The following SREK1 variants were observed in gnomAD, a reference collection of about 807,000 sequenced individuals.
The protein encoded by SREK1 is splicing regulatory glutamine/lysine-rich protein 1.
Under a neutral mutation model 66.5 loss-of-function variants are expected in SREK1, and 13 were observed. The ratio of observed to expected loss-of-function variants is 0.20; its 90% CI spans 0.13 to 0.31. The LOEUF (loss-of-function observed/expected upper bound fraction) is 0.31, where lower values mean the gene tolerates loss of function less well. Ranked by LOEUF, SREK1 falls within the 10% of genes least tolerant of loss-of-function variation. The pLI, the probability that SREK1 is intolerant of heterozygous loss-of-function variation, is 1.00. For synonymous variants in SREK1, 265 were observed against 263.5 expected (o/e 1.01, Z -0.05); for missense variants, 607 against 769.6 (o/e 0.79, Z 2.50).
intron 7 of SREK1, 119 bp downstream of exon 7, chr5:66,165,016 GT>G: frequency 1.1e-6 from 1 of 900,848 alleles, no homozygotes; most frequent in South Asian, 2.0e-5. Flanking sequence ...TACACCTGAA[GT>G]GTGGTTACCT....
chr5:66,155,423 C>T (rs758797246), intron 2 of SREK1, among the ~76,000 whole-genome samples: 1 of 152,154 alleles, frequency 6.6e-6, no homozygotes, highest in Non-Finnish European at 1.5e-5. Context: ...TTTATGGAAC[C>T]TCGAGAATTT....
chr5:66,161,592 A>G (rs1744777427), intron 3 of SREK1, among the ~76,000 whole-genome samples: 1 of 152,330 alleles, frequency 6.6e-6, no homozygotes, highest in East Asian at 1.9e-4. Flanking sequence ...TATTAAATAC[A>G]TGTATTAGAT....
chr5:66,161,639 T>C (rs1744781138), intron 3 of SREK1, among the ~76,000 whole-genome samples: 2 of 152,228 alleles, frequency 1.3e-5, no homozygotes, highest in South Asian at 4.1e-4. Flanking sequence ...CGCTGCTGGC[T>C]GTAAGTTCAG....
chr5:66,158,760 T>G, intron 2 of SREK1: 1 of 1,251,550 alleles, frequency 8.0e-7, no homozygotes, highest in Non-Finnish European at 1.0e-6. Flanking sequence ...GGGATTAAAC[T>G]TTAAAAAATG....
intron 9 of SREK1, among the ~76,000 whole-genome samples, chr5:66,171,936 CTGTA>C (rs1294193521): frequency 6.6e-6 from 1 of 152,166 alleles, no homozygotes; most frequent in Non-Finnish European, 1.5e-5. Context: ...AGCTGACGCT[CTGTA>C]TGAGAAGTAT....
At chr5:66,170,446 G>GA (rs1340418328) in intron 8 of SREK1, 139 bp from the exon 9 acceptor site, 1 of 1,205,118 alleles carries the variant, frequency 8.3e-7, no homozygotes, top group Non-Finnish European at 1.2e-6. Flanking sequence ...TTGTACACCT[G>GA]AGCTATATAA....
In SREK1 at chr5:66,181,802, T is replaced by C. The variant is rs1746508147; in HGVS notation, c.*2934T>C. 1 of 151,380 alleles carries C rather than the reference T, an allele frequency of 6.6e-6. No homozygotes were observed. The highest frequency in any genetic ancestry group is 2.1e-4 in the South Asian group (1 of 4,786). The allele number at this position is 151,380 out of a possible 1,614,324, so 9.4% of individuals were successfully genotyped here. ...AAGTTCTTTTCTTCACGAGGTTCAG[T>C]ACCTGCTATGTTGATCTTTGGCAGT... is the stretch of plus-strand genomic sequence containing the variant. On this transcript the variant is annotated 3_prime_UTR_variant, in exon 12 of 12. Coordinates refer to ENST00000334121, the MANE Select transcript of SREK1 (RefSeq NM_001077199.3).
rs1403457435 is a variant in SREK1, at chr5:66,182,011, C to A, written c.*3143C>A. ...TTATTTTAAAACTTAGAACCCTGAT[C>A]TAACTCCCTTCTCAAGTGAAGATAC... On this transcript the variant is annotated 3_prime_UTR_variant, in exon 12 of 12. Coordinates refer to ENST00000334121, the MANE Select transcript of SREK1 (RefSeq NM_001077199.3). 3 of 150,750 alleles carry A rather than the reference C, an allele frequency of 2.0e-5. No individual in the cohort carries two copies. The highest frequency in any genetic ancestry group is 2.9e-5 in the Non-Finnish European group (2 of 67,800). The allele number at this position is 150,750 out of a possible 1,614,324, so 9.3% of individuals were successfully genotyped here. A position where few individuals can be genotyped will look rare whatever the true frequency, so the allele number is the denominator to read the frequency against.
rs1561525651 is a variant in SREK1, at chr5:66,181,911, G to GGGT, written c.*3044_*3046dup. 12 of 122,854 alleles carry GGGT rather than the reference G, an allele frequency of 9.8e-5. 1 individual carries two copies. Among genetic ancestry groups the GGGT allele is most frequent in the Non-Finnish European group, 1.6e-4 (9 of 56,962 alleles). The allele number at this position is 122,854 out of a possible 1,614,324, so 7.6% of individuals were successfully genotyped here. A position where few individuals can be genotyped will look rare whatever the true frequency, so the allele number is the denominator to read the frequency against. On this transcript the variant is annotated 3_prime_UTR_variant, in exon 12 of 12. Coordinates refer to ENST00000334121, the MANE Select transcript of SREK1 (RefSeq NM_001077199.3). ...AAAGGTTTTTTTGTCGGGGGGGGGG[G>GGGT]GGTCAAGAGAATTTATTTTGTGATA...
intron 9 of SREK1, among the ~76,000 whole-genome samples, chr5:66,171,778 G>C (rs1016888537): frequency 1.3e-5 from 2 of 152,204 alleles, no homozygotes; most frequent in Non-Finnish European, 2.9e-5. Context: ...CCTTTGACTA[G>C]ATAATAAAAG....
intron 1 of SREK1, among the ~76,000 whole-genome samples, chr5:66,145,481 A>T (rs995643367): frequency 1.2e-4 from 19 of 152,090 alleles, no homozygotes; most frequent in Admixed American, 3.9e-4. Context: ...CTTTAAAAAA[A>T]TTTTGATTTA....
At chr5:66,168,819 A>G (rs1049443861) in intron 7 of SREK1, 12 of 152,228 alleles carry the variant, frequency 7.9e-5, no homozygotes, top group African/African-American at 2.9e-4. Context: ...GTTTACATTT[A>G]TGTTAACTTT....
intron 7 of SREK1, chr5:66,167,976 C>CT (rs1290191441): frequency 6.6e-6 from 1 of 152,112 alleles, no homozygotes; most frequent in Non-Finnish European, 1.5e-5. Context: ...TACTCCTTAA[C>CT]TTTCATGGCT....
At chr5:66,169,611 AT>A (rs1301185381) in intron 7 of SREK1, 1 of 152,218 alleles carries the variant, frequency 6.6e-6, no homozygotes, top group Non-Finnish European at 1.5e-5. Flanking sequence ...AATGATTTTT[AT>A]TTTCCTGTCA....
At chr5:66,171,234 T>C (rs532548775) in intron 9 of SREK1, among the ~76,000 whole-genome samples, 1 of 152,308 alleles carries the variant, frequency 6.6e-6, no homozygotes, top group East Asian at 1.9e-4. Flanking sequence ...AAAGGTACTT[T>C]TTTTAAAAAG....
rs373409133 is a variant in SREK1 at position 66,170,034 on chromosome 5, C to G, written c.1002-17C>G. On this transcript the variant is annotated splice_polypyrimidine_tract_variant and intron_variant, in intron 7 of 11. Transcript: ENST00000334121. ...CGTAAATTAAGTTTTGATATTCTAA[C>G]AATTTTTTTTCTTTAGGAGTAGATC... The G allele has an allele frequency of 2.7e-6, 4 of 1,502,606 alleles. No individual in the cohort carries two copies. The African/African-American group carries it at 5.7e-5, about 21-fold the overall frequency. 93.1% of individuals were successfully genotyped at this position (1,502,606 alleles called of 1,614,324 possible).
At chr5:66,145,567 T>C (rs1260509895) in intron 1 of SREK1, among the ~76,000 whole-genome samples, 2 of 152,128 alleles carry the variant, frequency 1.3e-5, no homozygotes, top group Non-Finnish European at 2.9e-5. Context: ...TGCATAACTA[T>C]ATAAAAGTTG....
At chr5:66,146,335 A>G (rs564556650) in intron 1 of SREK1, among the ~76,000 whole-genome samples, 3 of 152,322 alleles carry the variant, frequency 2.0e-5, no homozygotes, top group South Asian at 4.1e-4. Context: ...AATGTTCTTC[A>G]TTATCAACAT....
chr5:66,178,711 C>CA lies in SREK1; in HGVS notation c.1726-7dup, dbSNP rs1746268566. ...ATATTAAATGCATACCTTAATTACT[C>CA]ATTGTAGGAGAAAGAGCACAATAAA... On this transcript the variant is annotated splice_region_variant and splice_polypyrimidine_tract_variant and intron_variant, in intron 11 of 11. Coordinates refer to ENST00000334121, the MANE Select transcript of SREK1 (RefSeq NM_001077199.3). The CA allele has an allele frequency of 6.3e-7, 1 of 1,586,922 alleles. No individual in the cohort carries two copies. The highest frequency in any genetic ancestry group is 8.6e-7 in the Non-Finnish European group (1 of 1,164,864).
Sources: gnomAD v4.1 joint callset for allele counts (sites outside exome capture counted in the v4.1 genomes callset) on GRCh38, gnomAD v4.1.1 for gene constraint, MANE v1.5 for transcripts, NCBI Gene and HGNC (gene_info 2026-07-23, HGNC 2026-07-21) for gene names.